TUT4: variants seen among roughly 807,000 people sequenced by gnomAD.
The protein encoded by TUT4 is terminal uridylyl transferase 4.
Under a neutral mutation model 192.2 loss-of-function variants are expected in TUT4, and 36 were observed. That is an observed-to-expected ratio of 0.19 (90% CI 0.14 to 0.25). TUT4 has a LOEUF of 0.25. Ranked by LOEUF, TUT4 falls within the 10% of genes least tolerant of loss-of-function variation. The pLI is 1.00. For missense variants in TUT4, 1,493 were observed against 1,957.2 expected (o/e 0.76, Z 4.47); for synonymous variants, 618 against 666.0 (o/e 0.93, Z 1.11).
chr1:52,506,609 T>A (rs1675646975), intron 4 of TUT4, among the ~76,000 whole-genome samples: 1 of 152,228 alleles, frequency 6.6e-6, no homozygotes, highest in Non-Finnish European at 1.5e-5. Context: ...CTACCCAATA[T>A]AGTTTTAATC....
At chr1:52,527,230 A>G (rs1384923970) in intron 1 of TUT4, among the ~76,000 whole-genome samples, 2 of 152,186 alleles carry the variant, frequency 1.3e-5, no homozygotes, top group Non-Finnish European at 1.5e-5. Context: ...ACGGGTTCAA[A>G]TGAATTCGCT....
chr1:52,483,703 G>A (rs555424865), intron 9 of TUT4, among the ~76,000 whole-genome samples: 9 of 151,912 alleles, frequency 5.9e-5, no homozygotes, highest in African/African-American at 1.2e-4. Flanking sequence ...TCAGCTACTC[G>A]GGAGGCTGAG....
chr1:52,550,362 A>G (rs17107293), intron 1 of TUT4, among the ~76,000 whole-genome samples: 13,362 of 152,146 alleles, frequency 0.088, 741 homozygotes, highest in East Asian at 0.2. Context: ...ATCCTACTGC[A>G]GTGGCTTTAA....
At chr1:52,479,960 A>ACT (rs916235810) in intron 11 of TUT4, among the ~76,000 whole-genome samples, 3 of 147,500 alleles carry the variant, frequency 2.0e-5, no homozygotes, top group Non-Finnish European at 3.0e-5. Context: ...GTGCCACTGC[A>ACT]CTCCAGCCTG....
At chr1:52,451,119 A>C (rs1659271729) in intron 20 of TUT4, among the ~76,000 whole-genome samples, 1 of 152,030 alleles carries the variant, frequency 6.6e-6, no homozygotes, top group Admixed American at 6.6e-5. Context: ...CAAAAAAATA[A>C]GCCTGACATG....
chr1:52,443,141 G>C (rs1656199135), intron 24 of TUT4, among the ~76,000 whole-genome samples: 1 of 151,524 alleles, frequency 6.6e-6, no homozygotes. Flanking sequence ...AAATTAGCTG[G>C]GCGTAGTGGC....
chr1:52,483,781 G>A (rs1669098124), intron 9 of TUT4, among the ~76,000 whole-genome samples: 2 of 152,264 alleles, frequency 1.3e-5, no homozygotes, highest in African/African-American at 4.8e-5. Context: ...CTACACTCCA[G>A]CCTGGGCAAC....
chr1:52,511,322 G>A (rs763362560), intron 3 of TUT4, among the ~76,000 whole-genome samples: 1 of 152,166 alleles, frequency 6.6e-6, no homozygotes, highest in Non-Finnish European at 1.5e-5. Context: ...AATGAATTAA[G>A]TCCTCAAAGA....
intron 16 of TUT4, among the ~76,000 whole-genome samples, chr1:52,464,663 A>G (rs1484620796): frequency 6.6e-6 from 1 of 152,230 alleles, no homozygotes; most frequent in East Asian, 1.9e-4. Flanking sequence ...ATGACCACCT[A>G]TATTTACTAC....
In TUT4 at chr1:52,461,169, G is replaced by T; in HGVS notation, c.3286C>A (p.Gln1096Lys). 6.2e-7 allele frequency: 1 copy of T among 1,604,424 alleles called. No individual in the cohort carries two copies. Among genetic ancestry groups the T allele is most frequent in the South Asian group, 1.1e-5 (1 of 89,362 alleles). The change falls in exon 19 of 30, where the codon CAG becomes AAG. Residue 1096 changes from glutamine to lysine, a missense_variant. Transcript: ENST00000257177. ...ATYAAIDPRV[Q>K]YLGYTMKVFA... is the part of the protein sequence containing the mutation. ...ACTTTCATAGTATATCCCAAATACT[G>T]CACTCTAGGATCAATAGCTGCATAA...
At chr1:52,531,994 TCTC>T (rs1683581185) in intron 1 of TUT4, among the ~76,000 whole-genome samples, 1 of 136,530 alleles carries the variant, frequency 7.3e-6, no homozygotes, top group African/African-American at 2.7e-5. Flanking sequence ...TTCAAGCAAA[TCTC>T]CTGCCTCAGC....
chr1:52,476,531 C>A (rs1476511602), intron 12 of TUT4, among the ~76,000 whole-genome samples: 1 of 152,090 alleles, frequency 6.6e-6, no homozygotes, highest in Non-Finnish European at 1.5e-5. Flanking sequence ...TTGGTATTAA[C>A]AGGCCAGGCT....
Position 52,497,165 on chromosome 1 carries a change from C to T in TUT4, c.1018G>A (p.Glu340Lys), listed in dbSNP as rs1672650293. ...KNILEKQEES[E>K]LRSLPPPSPA... ...GAAGGAGGTGGCAGAGAACGAAGCTCACTTTCTTCTTGTTTTTCCTATTAA... is the reference window on the plus strand; with the variant it reads ...GAAGGAGGTGGCAGAGAACGAAGCTTACTTTCTTCTTGTTTTTCCTATTAA... The change falls in exon 5 of 30, where the codon GAG becomes AAG. Residue 340 changes from glutamate (E) to lysine (K), a missense_variant. Coordinates refer to ENST00000257177, the MANE Select transcript of TUT4 (RefSeq NM_001009881.3). 6.2e-7 allele frequency: 1 copy of T among 1,602,568 alleles called. No individual in the cohort carries two copies. Among genetic ancestry groups the T allele is most frequent in the Non-Finnish European group, 8.5e-7 (1 of 1,177,178 alleles).
chr1:52,462,544 G>C (rs1662911603), intron 16 of TUT4: 2 of 198,032 alleles, frequency 1.0e-5, no homozygotes, highest in African/African-American at 4.7e-5. Context: ...TAACCTCTCT[G>C]AGCATTACAT....
chr1:52,547,199 T>C (rs904771683), intron 1 of TUT4, among the ~76,000 whole-genome samples: 1 of 147,894 alleles, frequency 6.8e-6, no homozygotes, highest in Non-Finnish European at 1.5e-5. Context: ...ATATATTGAG[T>C]TCTTAAAACT....
chr1:52,525,569 C>T lies in TUT4; in HGVS notation c.712G>A (p.Asp238Asn), dbSNP rs766242032. The T allele has an allele frequency of 8.8e-6, 14 of 1,597,314 alleles. No homozygotes were observed. Among genetic ancestry groups the T allele is most frequent in the South Asian group, 2.3e-5 (2 of 87,792 alleles). The change falls in exon 2 of 30, where the codon GAT (aspartate) becomes AAT (asparagine). Residue 238 changes from aspartate (D) to asparagine (N), a missense_variant. Transcript: ENST00000257177. ...CCTCCAAAAAATGACTTACTTAAATCGTCCGATACGTCTTCAATTCCTGAA... is the reference window on the plus strand; with the variant it reads ...CCTCCAAAAAATGACTTACTTAAATTGTCCGATACGTCTTCAATTCCTGAA... ...SASGIEDVSD[D>N]LSKMKNDESN...
chr1:52,435,878 C>A (rs1327042573), intron 26 of TUT4, among the ~76,000 whole-genome samples: 2 of 152,034 alleles, frequency 1.3e-5, no homozygotes. Context: ...CCACGCACTG[C>A]AGCCTGGGCA....
chr1:52,455,787 C>G (rs369892959), intron 20 of TUT4, among the ~76,000 whole-genome samples: 1 of 152,046 alleles, frequency 6.6e-6, no homozygotes, highest in South Asian at 2.1e-4. Flanking sequence ...AGAACATGGA[C>G]AAGTACTCAA....
intron 1 of TUT4, among the ~76,000 whole-genome samples, chr1:52,532,396 T>A (rs1683719742): frequency 6.6e-6 from 1 of 151,922 alleles, no homozygotes; most frequent in South Asian, 2.1e-4. Flanking sequence ...CGTGCAGTCA[T>A]GGCTCACTGC....
Sources: gnomAD v4.1 joint callset for allele counts (sites outside exome capture counted in the v4.1 genomes callset) on GRCh38, gnomAD v4.1.1 for gene constraint, MANE v1.5 for transcripts, NCBI Gene and HGNC (gene_info 2026-07-23, HGNC 2026-07-21) for gene names.